The following ANKRD36C variants were observed in gnomAD, a reference collection of about 807,000 sequenced individuals.
The protein encoded by ANKRD36C is ankyrin repeat domain 36C, also known as ankyrin repeat domain-containing protein 36C.
In ANKRD36C, 61 loss-of-function variants were observed where a neutral mutation model predicts 276.4. That is an observed-to-expected ratio of 0.22 (90% CI 0.18 to 0.27). The LOEUF (loss-of-function observed/expected upper bound fraction) is 0.27, where lower values mean the gene tolerates loss of function less well. ANKRD36C is among the 10% of genes least tolerant of loss of function. The pLI, the probability that ANKRD36C is intolerant of heterozygous loss-of-function variation, is 1.00. For synonymous variants in ANKRD36C, 483 were observed against 680.1 expected (o/e 0.71, Z 4.51); for missense variants, 1,447 against 2,032.3 (o/e 0.71, Z 5.54).
chr2:95,926,870 G>A (rs956809893), intron 28 of ANKRD36C, among the ~76,000 whole-genome samples: 3 of 151,516 alleles, frequency 2.0e-5, no homozygotes, highest in Admixed American at 6.6e-5. Context: ...TTAGCAATAC[G>A]ATGTGATGTC....
chr2:95,863,336 G>A (rs531645940), intron 60 of ANKRD36C, among the ~76,000 whole-genome samples: 1 of 152,072 alleles, frequency 6.6e-6, no homozygotes, highest in Non-Finnish European at 1.5e-5. Flanking sequence ...AGAAAGTTAA[G>A]TTATAGTTAA....
At chr2:95,940,161 G>A (rs1677835232) in intron 20 of ANKRD36C, among the ~76,000 whole-genome samples, 2 of 152,214 alleles carry the variant, frequency 1.3e-5, no homozygotes, top group African/African-American at 4.8e-5. Flanking sequence ...TGGGACTACA[G>A]GCACATACAT....
rs186787048 is a variant in ANKRD36C at position 95,972,918 on chromosome 2, T to C, written c.799+5204A>G. Among the ~76,000 whole-genome samples, 83 of 152,250 alleles carry C rather than the reference T, an allele frequency of 5.5e-4. 1 individual carries two copies. Among genetic ancestry groups the C allele is most frequent in the African/African-American group, 1.9e-3 (80 of 41,544 alleles). On this transcript the variant is annotated intron_variant, in intron 6 of 66. Transcript: ENST00000456556. ...AGAGAAACAAAAAGATCACAGCCAA[T>C]TGTCTTCAACTCACCAAGGTTTCTT... is the stretch of plus-strand genomic sequence containing the variant.
intron 61 of ANKRD36C, among the ~76,000 whole-genome samples, chr2:95,858,130 C>T (rs555536851): frequency 7.9e-5 from 12 of 151,850 alleles, no homozygotes; most frequent in African/African-American, 2.7e-4. Flanking sequence ...TCATGCTTCT[C>T]TAAAATGTAT....
intron 24 of ANKRD36C, among the ~76,000 whole-genome samples, chr2:95,933,853 A>G (rs1677640161): frequency 6.6e-6 from 1 of 152,306 alleles, no homozygotes; most frequent in Admixed American, 6.5e-5. Context: ...AAATGTTCGC[A>G]ATCTCTCCAT....
rs1676202820 is a variant in ANKRD36C, at chr2:95,886,349, G to GT, written c.3062-106dup. 14 of 989,586 alleles carry GT rather than the reference G, an allele frequency of 1.4e-5. No individual in the cohort carries two copies. The South Asian group carries it at 2.3e-4, about 16-fold the overall frequency. The allele number at this position is 989,586 out of a possible 1,614,324, so 61.3% of individuals were successfully genotyped here. Reference sequence around the variant, plus strand: ...AAGCTGCCTCTGTCTGCAGTTATTAGTGTAGGCTTTGATGCTTTATACTTT... The same window carrying GT: ...AAGCTGCCTCTGTCTGCAGTTATTAGTTGTAGGCTTTGATGCTTTATACTTT... On this transcript the variant is annotated intron_variant, in intron 50 of 66. Coordinates refer to ENST00000456556, the Ensembl canonical transcript of ANKRD36C.
intron 4 of ANKRD36C, among the ~76,000 whole-genome samples, 166 bp from the exon 5 acceptor site, chr2:95,980,951 C>T (rs1392498532): frequency 6.6e-6 from 1 of 151,990 alleles, no homozygotes; most frequent in Non-Finnish European, 1.5e-5. Context: ...CAAGTTACCA[C>T]AAAGGTTAAA....
intron 60 of ANKRD36C, among the ~76,000 whole-genome samples, chr2:95,865,465 C>G (rs181596868): frequency 6.6e-6 from 1 of 152,168 alleles, no homozygotes; most frequent in East Asian, 1.9e-4. Flanking sequence ...GTAACCAAAA[C>G]AGTGTGCCAT....
chr2:95,928,482 G>A (rs1295405165), intron 26 of ANKRD36C, among the ~76,000 whole-genome samples: 1 of 151,528 alleles, frequency 6.6e-6, no homozygotes. Context: ...TCTTGGAGCA[G>A]CCAAAATCAA....
chr2:95,963,113 TATTC>T (rs1303557221), intron 6 of ANKRD36C, among the ~76,000 whole-genome samples: 2 of 152,070 alleles, frequency 1.3e-5, no homozygotes, highest in Non-Finnish European at 2.9e-5. Context: ...TAGTGGACAG[TATTC>T]ATTATTTCTC....
At chr2:95,873,021 A>C (rs1314160749) in intron 59 of ANKRD36C, among the ~76,000 whole-genome samples, 2 of 152,216 alleles carry the variant, frequency 1.3e-5, no homozygotes, top group Admixed American at 1.3e-4. Flanking sequence ...TGTGGCAATA[A>C]TCAATAGCTT....
intron 3 of ANKRD36C, among the ~76,000 whole-genome samples, chr2:95,984,904 A>G (rs2104541868): frequency 6.6e-6 from 1 of 152,244 alleles, no homozygotes; most frequent in African/African-American, 2.4e-5. Flanking sequence ...TACTAACTTC[A>G]TGGTTTTCAG....
chr2:95,943,272 A>G (rs960663894), intron 19 of ANKRD36C, among the ~76,000 whole-genome samples: 1 of 152,294 alleles, frequency 6.6e-6, no homozygotes, highest in Non-Finnish European at 1.5e-5. Flanking sequence ...TCACGAGGTC[A>G]GGAGATCGAG....
rs66525771 is a variant in ANKRD36C at position 95,908,648 on chromosome 2, C to T, written c.2653+3596G>A. The T allele has an allele frequency of 5.5e-4, 860 of 1,563,964 alleles. 5 individuals are homozygous for T. In the African/African-American group the frequency reaches 9.0e-3, roughly 16 times the overall value. Reference sequence around the variant, plus strand: ...AGACTATACATTTACTAGTTCACAACATAAATGACAGTTTCATTACCTTCA... The same window carrying T: ...AGACTATACATTTACTAGTTCACAATATAAATGACAGTTTCATTACCTTCA... On this transcript the variant is annotated intron_variant, in intron 42 of 66. Transcript: ENST00000456556.
chr2:95,892,876 C>G (rs1288291697), intron 44 of ANKRD36C, among the ~76,000 whole-genome samples: 1 of 151,230 alleles, frequency 6.6e-6, no homozygotes, highest in African/African-American at 2.4e-5. Flanking sequence ...CTAATAGTAA[C>G]AAAGAGGAGT....
chr2:95,991,300 C>A (rs1468769843), intron 1 of ANKRD36C, among the ~76,000 whole-genome samples: 2 of 82,656 alleles, frequency 2.4e-5, no homozygotes, highest in African/African-American at 1.1e-4. Flanking sequence ...ACTCCCCACT[C>A]CCATCCCCCA....
intron 44 of ANKRD36C, chr2:95,894,401 T>G (rs1439034173): frequency 2.0e-5 from 3 of 152,252 alleles, no homozygotes; most frequent in African/African-American, 7.3e-5. Context: ...GGATAATATA[T>G]TAGCCTCAAT....
At chr2:95,894,728 G>A (rs1297551613) in intron 44 of ANKRD36C, among the ~76,000 whole-genome samples, 10 of 151,342 alleles carry the variant, frequency 6.6e-5, no homozygotes, top group Non-Finnish European at 1.3e-4. Context: ...TATCTCTGAT[G>A]CCTAATAGTA....
intron 52 of ANKRD36C, among the ~76,000 whole-genome samples, chr2:95,884,665 G>T (rs1676161662): frequency 6.6e-6 from 1 of 152,054 alleles, no homozygotes; most frequent in African/African-American, 2.4e-5. Flanking sequence ...GGACAAATGT[G>T]ATCTAAAATC....
Sources: gnomAD v4.1 joint callset for allele counts (sites outside exome capture counted in the v4.1 genomes callset) on GRCh38, gnomAD v4.1.1 for gene constraint, MANE v1.5 for transcripts, NCBI Gene and HGNC (gene_info 2026-07-23, HGNC 2026-07-21) for gene names.